AUTS2: variants seen among roughly 807,000 people sequenced by gnomAD.
AUTS2 encodes the protein autism susceptibility gene 2 protein.
Under a neutral mutation model 112.4 loss-of-function variants are expected in AUTS2, and 17 were observed. That is an observed-to-expected ratio of 0.15 (90% confidence interval 0.10 to 0.23). The LOEUF (loss-of-function observed/expected upper bound fraction) is 0.23. Ranked by LOEUF, AUTS2 falls within the 10% of genes least tolerant of loss-of-function variation. The pLI is 1.00. For synonymous variants in AUTS2, 751 were observed against 702.7 expected, an observed-to-expected ratio of 1.07 and a Z score of -1.09; for missense variants, 1,510 against 1,701.6, an observed-to-expected ratio of 0.89 and a Z score of 1.98.
intron 4 of AUTS2, among the ~76,000 whole-genome samples, chr7:70,210,192 C>T (rs1372754256): frequency 6.6e-6 from 1 of 152,186 alleles, no homozygotes; most frequent in African/African-American, 2.4e-5. Flanking sequence ...CCTTCTTCTA[C>T]ATGCAGATGC....
chr7:70,486,904 C>CA (rs1223286614), intron 5 of AUTS2, among the ~76,000 whole-genome samples: 4 of 117,564 alleles, frequency 3.4e-5, no homozygotes, highest in South Asian at 3.7e-4. Flanking sequence ...TATTCCCCCC[C>CA]CCCCAAAAAA....
intron 1 of AUTS2, among the ~76,000 whole-genome samples, chr7:69,841,182 T>C (rs1355611750): frequency 6.6e-6 from 1 of 152,178 alleles, no homozygotes; most frequent in Non-Finnish European, 1.5e-5. Context: ...TGTTCTTGCA[T>C]GGCTATAGAG....
chr7:70,041,818 G>C (rs1045289792), intron 2 of AUTS2, among the ~76,000 whole-genome samples: 2 of 152,110 alleles, frequency 1.3e-5, no homozygotes, highest in Non-Finnish European at 2.9e-5. Context: ...TATGATAACA[G>C]TGAAGGTAAT....
At chr7:69,910,735 C>G (rs1297768936) in intron 2 of AUTS2, among the ~76,000 whole-genome samples, 2 of 152,190 alleles carry the variant, frequency 1.3e-5, no homozygotes, top group Non-Finnish European at 2.9e-5. Flanking sequence ...TTAAGCGATC[C>G]TCCTGCCTCA....
rs554036697 is a variant in AUTS2 at position 70,469,031 on chromosome 7, A to G, written c.690+33250A>G. ...AGTTGGGTAATAATTATTCTGCACC[A>G]AAGTTGCAGAAGACAGAAAGTTGTG... On this transcript the variant is annotated intron_variant, in intron 5 of 18. Transcript: ENST00000342771. 2.6e-5 allele frequency among the ~76,000 whole-genome samples: 4 copies of G among 152,366 alleles called. No homozygotes were observed. The South Asian group carries it at 8.3e-4, about 32-fold the overall frequency.
intron 2 of AUTS2, among the ~76,000 whole-genome samples, chr7:69,921,119 G>A (rs1214277455): frequency 6.6e-6 from 1 of 152,100 alleles, no homozygotes; most frequent in African/African-American, 2.4e-5. Context: ...GAGTTGTGTG[G>A]TTTGTTTTCT....
intron 15 of AUTS2, chr7:70,784,304 G>A (rs1791288409): frequency 6.6e-6 from 1 of 152,170 alleles, no homozygotes; most frequent in Non-Finnish European, 1.5e-5. Flanking sequence ...TCAGGAGAAG[G>A]GATTCTGCAA....
At chr7:69,839,193 G>A (rs919329700) in intron 1 of AUTS2, among the ~76,000 whole-genome samples, 1 of 152,166 alleles carries the variant, frequency 6.6e-6, no homozygotes, top group African/African-American at 2.4e-5. Context: ...ATGCCCAGAG[G>A]ACAGTGAATT....
rs556150409 is a variant in AUTS2, at chr7:69,983,379, A to G, written c.522+83881A>G. On this transcript the variant is annotated intron_variant, in intron 2 of 18. Coordinates refer to ENST00000342771, the MANE Select transcript of AUTS2 (RefSeq NM_015570.4). ...GCCATGAAAGAGAAAGCCACAGCAA[A>G]CAATGTATATATGTAGCTCTTTATT... Among the ~76,000 whole-genome samples, 25 of 152,098 alleles carry G rather than the reference A, an allele frequency of 1.6e-4. 2 individuals carry two copies. In the South Asian group the frequency reaches 5.2e-3, roughly 32 times the overall value.
At chr7:70,152,327 T>C (rs1177085117) in intron 4 of AUTS2, among the ~76,000 whole-genome samples, 3 of 151,910 alleles carry the variant, frequency 2.0e-5, no homozygotes, top group South Asian at 2.1e-4. Flanking sequence ...CCAACACATA[T>C]TATAATCAGA....
At chr7:70,270,158 TA>T (rs1475631428) in intron 4 of AUTS2, among the ~76,000 whole-genome samples, 1 of 152,200 alleles carries the variant, frequency 6.6e-6, no homozygotes, top group Non-Finnish European at 1.5e-5. Flanking sequence ...TCTTGGGAAA[TA>T]AATTCTTTAA....
chr7:70,559,794 C>G (rs1468612040), intron 5 of AUTS2, among the ~76,000 whole-genome samples: 1 of 152,150 alleles, frequency 6.6e-6, no homozygotes, highest in Non-Finnish European at 1.5e-5. Context: ...GTGGTCTTTC[C>G]TTTATCCACC....
In AUTS2 at chr7:70,635,085, G is replaced by A. The variant is rs1403597601; in HGVS notation, c.691-63484G>A. The stretch of plus-strand genomic sequence containing the variant: ...GTGGGATTCCAAGAACCAGAGTACC[G>A]AGTGCCTTATGAATTCCACTCTGCG... On this transcript the variant is annotated intron_variant, in intron 5 of 18. Transcript: ENST00000342771. 3.3e-5 allele frequency among the ~76,000 whole-genome samples: 5 copies of A among 152,094 alleles called. No individual in the cohort carries two copies. In the East Asian group the frequency reaches 7.7e-4, roughly 24 times the overall value.
At chr7:70,534,669 G>A (rs768347138) in intron 5 of AUTS2, among the ~76,000 whole-genome samples, 2 of 152,006 alleles carry the variant, frequency 1.3e-5, no homozygotes, top group African/African-American at 2.4e-5. Flanking sequence ...CAGGTGATCC[G>A]CCCACCTCGG....
chr7:70,127,016 G>A (rs1220309542), intron 3 of AUTS2, among the ~76,000 whole-genome samples: 2 of 152,048 alleles, frequency 1.3e-5, no homozygotes, highest in African/African-American at 2.4e-5. Context: ...TAGTAGAGAT[G>A]GGGTTTTACC....
intron 6 of AUTS2, among the ~76,000 whole-genome samples, chr7:70,706,208 G>A (rs758678992): frequency 8.5e-5 from 13 of 152,170 alleles, no homozygotes; most frequent in South Asian, 2.1e-4. Context: ...CCAATCAGCC[G>A]CAGGTTTCTT....
chr7:70,517,558 A>G (rs1031393274), intron 5 of AUTS2, among the ~76,000 whole-genome samples: 1 of 148,678 alleles, frequency 6.7e-6, no homozygotes, highest in Admixed American at 6.8e-5. Context: ...TACAAATTGC[A>G]TATACACATA....
Position 70,790,363 on chromosome 7 carries a change from C to A in AUTS2, c.3147C>A (p.Phe1049Leu), listed in dbSNP as rs1791836912. 6.2e-7 allele frequency: 1 copy of A among 1,613,926 alleles called. No homozygotes were observed. The highest frequency in any genetic ancestry group is 2.2e-5 in the East Asian group (1 of 44,848). ...SLDRTRMMTP[F>L]MGISPLPGGE... ...ACAGGACTCGCATGATGACCCCCTT[C>A]ATGGGCATCAGCCCCCTCCCGGGCG... Residue 1049 changes from phenylalanine (F) to leucine (L), a missense_variant, in exon 19 of 19, where the codon TTC (phenylalanine) becomes TTA (leucine). This residue lies in a region of AUTS2 where 788 missense variants were observed against 797.6 expected (regional missense o/e 0.99). Coordinates refer to ENST00000342771, the MANE Select transcript of AUTS2 (RefSeq NM_015570.4). This position sits in a 1 kb window ranked among gnomAD's most constrained non-coding sequence, Gnocchi z 7.6.
chr7:69,779,273 A>ACACATAGT (rs1389330143), intron 1 of AUTS2, among the ~76,000 whole-genome samples: 2 of 152,086 alleles, frequency 1.3e-5, no homozygotes, highest in Non-Finnish European at 2.9e-5. Flanking sequence ...AGTGAGCCTG[A>ACACATAGT]CACATAGTGT....
Sources: allele counts gnomAD v4.1 joint callset (sites outside exome capture counted in the v4.1 genomes callset), GRCh38; gene constraint gnomAD v4.1.1; regional missense constraint gnomAD v4.1.1; non-coding constraint Gnocchi (gnomAD v3.1); transcripts MANE v1.5; gene names NCBI Gene and HGNC (gene_info 2026-07-23, HGNC 2026-07-21).